The following MAP3K13 variants were observed in gnomAD, a reference collection of about 807,000 sequenced individuals.
The protein encoded by MAP3K13 is mitogen-activated protein kinase kinase kinase 13.
Under a neutral mutation model 104.0 loss-of-function variants are expected in MAP3K13, and 52 were observed. The ratio of observed to expected loss-of-function variants is 0.50; its 90% confidence interval spans 0.40 to 0.63. The LOEUF (loss-of-function observed/expected upper bound fraction) is 0.63, where lower values mean the gene tolerates loss of function less well. MAP3K13 is among the 20% of genes least tolerant of loss of function. The pLI, the probability that MAP3K13 is intolerant of heterozygous loss-of-function variation, is 0.00. For synonymous variants in MAP3K13, 394 were observed against 442.2 expected, an observed-to-expected ratio of 0.89 and a Z score of 1.37; for missense variants, 914 against 1,218.5, an observed-to-expected ratio of 0.75 and a Z score of 3.72.
intron 9 of MAP3K13, 28 bp from the exon 10 acceptor site, chr3:185,466,798 A>T (rs1445606519): frequency 6.2e-7 from 1 of 1,613,606 alleles, no homozygotes; most frequent in Non-Finnish European, 8.5e-7. Context: ...GCAATGACTG[A>T]GGTGTGGCTT....
At chr3:185,342,066 C>T (rs939731211) in intron 2 of MAP3K13, among the ~76,000 whole-genome samples, 1 of 152,144 alleles carries the variant, frequency 6.6e-6, no homozygotes, top group African/African-American at 2.4e-5. Context: ...GAAAGGCCCA[C>T]GTGACAAGTA....
rs959231731 is a variant in MAP3K13 at position 185,458,536 on chromosome 3, A to T, written c.1279-5014A>T. 2.0e-5 allele frequency among the ~76,000 whole-genome samples: 3 copies of T among 152,134 alleles called. No individual in the cohort carries two copies. In the South Asian group the frequency reaches 6.2e-4, roughly 32 times the overall value. ...TAGATTCTGGATTCTTTTTCTGATGAACTCCTGAGATGAATAAGATGGCAG... is the reference window on the plus strand; with the variant it reads ...TAGATTCTGGATTCTTTTTCTGATGTACTCCTGAGATGAATAAGATGGCAG... On this transcript the variant is annotated intron_variant, in intron 7 of 13. Transcript: ENST00000265026.
intron 1 of MAP3K13, among the ~76,000 whole-genome samples, chr3:185,392,034 T>C (rs1445143770): frequency 6.6e-6 from 1 of 152,188 alleles, no homozygotes; most frequent in Non-Finnish European, 1.5e-5. Flanking sequence ...ACTTTCAGAA[T>C]ATGTTCTTGC....
intron 8 of MAP3K13, among the ~76,000 whole-genome samples, chr3:185,464,265 G>A (rs1042399194): frequency 6.6e-6 from 1 of 152,196 alleles, no homozygotes; most frequent in Non-Finnish European, 1.5e-5. Context: ...CCCAGCCTGG[G>A]TGACAGAGTG....
intron 2 of MAP3K13, among the ~76,000 whole-genome samples, chr3:185,312,977 C>A (rs987734377): frequency 6.6e-6 from 1 of 151,936 alleles, no homozygotes; most frequent in African/African-American, 2.4e-5. Flanking sequence ...ATCATCTGAG[C>A]CCAGAAGTTC....
At chr3:185,437,400 G>A in intron 2 of MAP3K13, 47 bp from the exon 3 acceptor site, 1 of 1,555,816 alleles carries the variant, frequency 6.4e-7, no homozygotes, top group Non-Finnish European at 8.8e-7. Context: ...TTGTAGAGTG[G>A]TCCCTTCTGA....
chr3:185,335,516 G>T (rs1722462167), intron 2 of MAP3K13, among the ~76,000 whole-genome samples: 1 of 152,046 alleles, frequency 6.6e-6, no homozygotes, highest in Non-Finnish European at 1.5e-5. Flanking sequence ...AGTGACTAAA[G>T]GTGCAAAGCA....
intron 4 of MAP3K13, among the ~76,000 whole-genome samples, chr3:185,446,258 A>AT (rs72309263): frequency 0.04 from 5,585 of 140,968 alleles, 107 homozygotes; most frequent in Middle Eastern, 0.06. Context: ...GCCTCTTATC[A>AT]TTTTTTTTTT....
chr3:185,421,710 G>A (rs1262128483), intron 1 of MAP3K13, among the ~76,000 whole-genome samples: 2 of 152,168 alleles, frequency 1.3e-5, no homozygotes, highest in South Asian at 2.1e-4. Context: ...GATTTGCACA[G>A]GGAGAGAGGA....
At chr3:185,452,547 T>C (rs1715952509) in intron 7 of MAP3K13, among the ~76,000 whole-genome samples, 1 of 152,174 alleles carries the variant, frequency 6.6e-6, no homozygotes. Context: ...ATCCCAAAAC[T>C]TATGGCTTAG....
rs146362584 is a variant in MAP3K13, at chr3:185,432,710, G to A, written c.475+3654G>A. Among the ~76,000 whole-genome samples, 16 of 152,262 alleles carry A rather than the reference G, an allele frequency of 1.1e-4. No individual in the cohort carries two copies. In the East Asian group the frequency reaches 3.1e-3, roughly 29 times the overall value. On this transcript the variant is annotated intron_variant, in intron 2 of 13. Coordinates refer to ENST00000265026, the MANE Select transcript of MAP3K13 (RefSeq NM_004721.5). Reference sequence around the variant, plus strand: ...ACCCAGCCCATATGTTTGTCAAAAGGAGGTTTTAAAATTTTTTGTTATTAT... The same window carrying A: ...ACCCAGCCCATATGTTTGTCAAAAGAAGGTTTTAAAATTTTTTGTTATTAT...
intron 2 of MAP3K13, among the ~76,000 whole-genome samples, chr3:185,326,045 C>T (rs1722031173): frequency 6.6e-6 from 1 of 152,154 alleles, no homozygotes; most frequent in African/African-American, 2.4e-5. Context: ...AACTTCCCTC[C>T]TTCTCAGTGA....
chr3:185,343,599 C>T (rs988990753), intron 2 of MAP3K13, among the ~76,000 whole-genome samples: 9 of 152,038 alleles, frequency 5.9e-5, no homozygotes, highest in African/African-American at 1.7e-4. Context: ...ACTACAGGCA[C>T]GTGCCACCAT....
At chr3:185,462,767 C>T (rs1473485029) in intron 7 of MAP3K13, among the ~76,000 whole-genome samples, 9 of 152,030 alleles carry the variant, frequency 5.9e-5, no homozygotes, top group Non-Finnish European at 1.0e-4. Context: ...AGCGAGACTC[C>T]GTCTCAAAAA....
At chr3:185,357,431 A>G (rs1317879447) in intron 2 of MAP3K13, among the ~76,000 whole-genome samples, 2 of 145,854 alleles carry the variant, frequency 1.4e-5, no homozygotes, top group Non-Finnish European at 3.0e-5. Context: ...CTGGGCAACA[A>G]GAGTGAAACT....
intron 1 of MAP3K13, among the ~76,000 whole-genome samples, chr3:185,365,311 T>C (rs1362730324): frequency 6.6e-6 from 1 of 152,204 alleles, no homozygotes; most frequent in Non-Finnish European, 1.5e-5. Flanking sequence ...TGTCAATAGA[T>C]GGCTTTCTGT....
intron 3 of MAP3K13, among the ~76,000 whole-genome samples, chr3:185,442,984 G>A (rs540499294): frequency 7.8e-4 from 118 of 151,942 alleles, no homozygotes; most frequent in Admixed American, 1.8e-3. Flanking sequence ...GACTACAGGC[G>A]CGCGCCACCA....
intron 1 of MAP3K13, among the ~76,000 whole-genome samples, chr3:185,389,908 G>A (rs1203378635): frequency 6.6e-6 from 1 of 152,144 alleles, no homozygotes; most frequent in Non-Finnish European, 1.5e-5. Flanking sequence ...ACAATTTTTT[G>A]TGAGGAGAGT....
Position 185,423,484 on chromosome 3 carries a change from A to G in MAP3K13, c.-85-5013A>G, listed in dbSNP as rs1417918402. ...TGTGGCAGGTGATCAGCCAGAAAGT[A>G]TAATGAGGAGATCAGTAATGTCAAA... On this transcript the variant is annotated intron_variant, in intron 1 of 13. Coordinates refer to ENST00000265026, the MANE Select transcript of MAP3K13 (RefSeq NM_004721.5). This position sits in a 1 kb window ranked among gnomAD's most constrained non-coding sequence, Gnocchi z 4.1. Among the ~76,000 whole-genome samples, 1 of 152,250 alleles carries G rather than the reference A, an allele frequency of 6.6e-6. No individual in the cohort carries two copies. The highest frequency in any genetic ancestry group is 2.4e-5 in the African/African-American group (1 of 41,464).
Sources: gnomAD v4.1 joint callset for allele counts (sites outside exome capture counted in the v4.1 genomes callset) on GRCh38, gnomAD v4.1.1 for gene constraint, Gnocchi (gnomAD v3.1) non-coding constraint, MANE v1.5 for transcripts, NCBI Gene and HGNC (gene_info 2026-07-23, HGNC 2026-07-21) for gene names.